The following NRXN3 variants were observed in gnomAD, a reference collection of about 807,000 sequenced individuals.
NRXN3 encodes neurexin III.
Under a neutral mutation model 137.6 loss-of-function variants are expected in NRXN3, and 32 were observed. The ratio of observed to expected loss-of-function variants is 0.23; its 90% CI spans 0.18 to 0.31. The LOEUF is 0.31. NRXN3 is among the 10% of genes least tolerant of loss of function. The probability of loss-of-function intolerance (pLI) is 1.00; values close to 1 mark genes in which losing one functional copy is unlikely to be tolerated. For synonymous variants in NRXN3, 798 were observed against 784.5 expected (o/e 1.02, Z -0.29); for missense variants, 1,574 against 2,062.5 (o/e 0.76, Z 4.59).
intron 10 of NRXN3, among the ~76,000 whole-genome samples, chr14:78,826,561 G>A (rs111771805): frequency 6.6e-6 from 1 of 152,190 alleles, no homozygotes; most frequent in Non-Finnish European, 1.5e-5. Context: ...CTAAGTGACT[G>A]CACTGGTTGC....
chr14:79,513,315 C>T (rs2096950967), intron 16 of NRXN3, among the ~76,000 whole-genome samples: 1 of 151,980 alleles, frequency 6.6e-6, no homozygotes, highest in African/African-American at 2.4e-5. Flanking sequence ...AGGTAGAGAA[C>T]TCCTGTCTAA....
chr14:78,294,321 G>A (rs1476285452), intron 3 of NRXN3, among the ~76,000 whole-genome samples: 1 of 152,146 alleles, frequency 6.6e-6, no homozygotes, highest in Non-Finnish European at 1.5e-5. Flanking sequence ...TTGGAAGGCT[G>A]CAGCGGGCAG....
chr14:79,728,230 G>A (rs544890296), intron 19 of NRXN3, among the ~76,000 whole-genome samples: 9 of 152,266 alleles, frequency 5.9e-5, no homozygotes, highest in Admixed American at 4.6e-4. Context: ...ATCTTTGTAC[G>A]TTTAAAATTT....
intron 15 of NRXN3, among the ~76,000 whole-genome samples, chr14:79,273,647 A>AAAT (rs2079775476): frequency 6.6e-6 from 1 of 152,258 alleles, no homozygotes; most frequent in African/African-American, 2.4e-5. Context: ...ATAAATAAAT[A>AAAT]CATAAAATAA....
At chr14:78,182,115 C>CT (rs2059854756) in intron 1 of NRXN3, among the ~76,000 whole-genome samples, 1 of 133,662 alleles carries the variant, frequency 7.5e-6, no homozygotes, top group Non-Finnish European at 1.6e-5. Context: ...AATGATGGGG[C>CT]CGGGGGGGAC....
At chr14:79,338,225 G>C (rs931843893) in intron 15 of NRXN3, among the ~76,000 whole-genome samples, 1 of 147,374 alleles carries the variant, frequency 6.8e-6, no homozygotes, top group African/African-American at 2.6e-5. Context: ...GTGAGTGTGT[G>C]TGTGTGTGTG....
chr14:79,663,435 A>T (rs565257558), intron 16 of NRXN3, among the ~76,000 whole-genome samples: 7 of 152,092 alleles, frequency 4.6e-5, no homozygotes, highest in Non-Finnish European at 1.0e-4. Context: ...GTCTTGGTGT[A>T]CTCTCTTAGT....
intron 20 of NRXN3, among the ~76,000 whole-genome samples, chr14:79,830,991 G>C (rs1483675098): frequency 6.6e-6 from 1 of 152,138 alleles, no homozygotes; most frequent in Non-Finnish European, 1.5e-5. Flanking sequence ...TAAGTTGACA[G>C]ATAAACCTTT....
At chr14:78,275,351 G>T (rs1437168951) in intron 2 of NRXN3, among the ~76,000 whole-genome samples, 2 of 152,176 alleles carry the variant, frequency 1.3e-5, no homozygotes, top group Non-Finnish European at 2.9e-5. Context: ...GTGAATAGAT[G>T]ATCTTCATTG....
At chr14:78,961,501 G>T (rs2099408091) in intron 11 of NRXN3, among the ~76,000 whole-genome samples, 1 of 152,144 alleles carries the variant, frequency 6.6e-6, no homozygotes, top group South Asian at 2.1e-4. Context: ...AACAGTAAGT[G>T]AAATGACCAC....
At chr14:79,365,051 C>T (rs923970349) in intron 15 of NRXN3, among the ~76,000 whole-genome samples, 5 of 152,122 alleles carry the variant, frequency 3.3e-5, no homozygotes, top group Admixed American at 6.5e-5. Context: ...CTTTTGGTTT[C>T]GTCTCATAAA....
chr14:78,673,607 A>T (rs572186665), intron 6 of NRXN3, among the ~76,000 whole-genome samples: 4 of 152,290 alleles, frequency 2.6e-5, no homozygotes, highest in Admixed American at 1.3e-4. Context: ...TTTATTTCTC[A>T]TGGTTCTGGA....
At chr14:79,374,503 C>T (rs756078462) in intron 15 of NRXN3, among the ~76,000 whole-genome samples, 2 of 151,926 alleles carry the variant, frequency 1.3e-5, no homozygotes, top group East Asian at 1.9e-4. Flanking sequence ...CTCTGCAAAC[C>T]GTAAAATCTT....
chr14:78,960,146 G>T (rs31425), intron 11 of NRXN3, among the ~76,000 whole-genome samples: 44,662 of 151,946 alleles, frequency 0.29, 8,840 homozygotes, highest in African/African-American at 0.57. Flanking sequence ...TTAATGAAAC[G>T]CTTTCATTTT....
intron 15 of NRXN3, among the ~76,000 whole-genome samples, chr14:78,993,951 G>A (rs1283638971): frequency 7.0e-6 from 1 of 143,086 alleles, no homozygotes; most frequent in African/African-American, 2.6e-5. Context: ...TTGGGTTCAA[G>A]TGATTCTCTT....
At chr14:79,223,098 G>T (rs771151779) in intron 15 of NRXN3, among the ~76,000 whole-genome samples, 6 of 152,056 alleles carry the variant, frequency 3.9e-5, no homozygotes, top group Non-Finnish European at 8.8e-5. Flanking sequence ...TTTCACCTGA[G>T]TTAGAAAACT....
intron 4 of NRXN3, among the ~76,000 whole-genome samples, chr14:78,457,202 C>G (rs150736050): frequency 0.025 from 3,769 of 152,114 alleles, 173 homozygotes; most frequent in Admixed American, 0.12. Flanking sequence ...CCACACTCAG[C>G]TAATTGTTGT....
At chr14:79,090,448 C>T (rs1014572117) in intron 15 of NRXN3, among the ~76,000 whole-genome samples, 1 of 152,066 alleles carries the variant, frequency 6.6e-6, no homozygotes, top group Admixed American at 6.6e-5. Flanking sequence ...CTTCCAGTTA[C>T]ACCCTGGGTT....
At chr14:79,321,694 G>A (rs1441827768) in intron 15 of NRXN3, among the ~76,000 whole-genome samples, 1 of 150,562 alleles carries the variant, frequency 6.6e-6, no homozygotes, top group African/African-American at 2.4e-5. Context: ...AAGGAATGCT[G>A]CAAAAAAAAT....
Sources: gnomAD v4.1 joint callset for allele counts (sites outside exome capture counted in the v4.1 genomes callset) on GRCh38, gnomAD v4.1.1 for gene constraint, MANE v1.5 for transcripts, NCBI Gene and HGNC (gene_info 2026-07-23, HGNC 2026-07-21) for gene names.